The following SPIN1 variants were observed in gnomAD, a reference collection of about 807,000 sequenced individuals.
SPIN1 encodes the protein spindlin-1.
In SPIN1, 3 loss-of-function variants were observed where a neutral mutation model predicts 26.0. The ratio of observed to expected loss-of-function variants is 0.12; its 90% CI spans 0.05 to 0.30. The LOEUF is 0.30. Ranked by LOEUF, SPIN1 falls within the 10% of genes least tolerant of loss-of-function variation. SPIN1 has a pLI of 1.00. For synonymous variants in SPIN1, 101 were observed against 116.5 expected (o/e 0.87, Z 0.86); for missense variants, 126 against 333.4 (o/e 0.38, Z 4.84).
chr9:88,398,763 C>T (rs1007625174), intron 1 of SPIN1, among the ~76,000 whole-genome samples: 9 of 151,692 alleles, frequency 5.9e-5, no homozygotes, highest in Admixed American at 1.3e-4. Flanking sequence ...TCAGTAGAAA[C>T]GGGTTTCTCC....
intron 4 of SPIN1, among the ~76,000 whole-genome samples, chr9:88,467,077 A>G (rs1828685062): frequency 6.6e-6 from 1 of 152,156 alleles, no homozygotes; most frequent in African/African-American, 2.4e-5. Context: ...TTTAAAGATA[A>G]TTGTTTAAAT....
intron 1 of SPIN1, chr9:88,411,226 C>T: frequency 8.5e-7 from 1 of 1,171,794 alleles, no homozygotes; most frequent in African/African-American, 1.5e-5. Flanking sequence ...GTCTTCTGTT[C>T]ACCTTGTGTG....
intron 1 of SPIN1, among the ~76,000 whole-genome samples, chr9:88,397,233 G>A (rs1456738585): frequency 6.6e-6 from 1 of 151,912 alleles, no homozygotes; most frequent in African/African-American, 2.4e-5. Flanking sequence ...TAAATAACAC[G>A]TAGCTTAAAA....
chr9:88,459,991 T>C (rs567806373), intron 3 of SPIN1, among the ~76,000 whole-genome samples: 1 of 152,342 alleles, frequency 6.6e-6, no homozygotes, highest in South Asian at 2.1e-4. Flanking sequence ...GATTTGGTCC[T>C]TTTGTGTAAA....
intron 2 of SPIN1, among the ~76,000 whole-genome samples, chr9:88,438,995 C>T (rs867864860): frequency 3.3e-5 from 5 of 152,196 alleles, no homozygotes; most frequent in African/African-American, 1.2e-4. Context: ...AAAAACCATC[C>T]AGTAGAATGC....
chr9:88,423,944 G>GT (rs573945125), intron 1 of SPIN1, among the ~76,000 whole-genome samples: 29 of 151,864 alleles, frequency 1.9e-4, no homozygotes, highest in African/African-American at 5.3e-4. Flanking sequence ...TTTTTGTTGT[G>GT]TTTTTTGTAG....
At chr9:88,414,847 G>A (rs549349067) in intron 1 of SPIN1, among the ~76,000 whole-genome samples, 15 of 152,250 alleles carry the variant, frequency 9.9e-5, no homozygotes, top group African/African-American at 2.6e-4. Context: ...TTTTGACCAC[G>A]TATTACACTT....
rs1283533831 is a variant in SPIN1, at chr9:88,426,524, A to T, written c.-16A>T. ...CCCTAGTCCAGCAGCTCCGCTGCTC[A>T]CTTAAATACAGATGAATGAAGACCC... On this transcript the variant is annotated 5_prime_UTR_variant, in exon 2 of 6. Transcript: ENST00000375859. The T allele has an allele frequency of 6.2e-7, 1 of 1,610,886 alleles. No individual in the cohort carries two copies.
chr9:88,470,908 A>G (rs1399114413), intron 5 of SPIN1, among the ~76,000 whole-genome samples: 3 of 152,172 alleles, frequency 2.0e-5, no homozygotes, highest in South Asian at 2.1e-4. Flanking sequence ...GGCCCTTTTA[A>G]TATCATCTGT....
chr9:88,462,554 G>A lies in SPIN1; in HGVS notation c.160G>A (p.Val54Ile), dbSNP rs951543305. 2 of 1,614,144 alleles carry A rather than the reference G, an allele frequency of 1.2e-6. No individual in the cohort carries two copies. Among genetic ancestry groups the A allele is most frequent in the Non-Finnish European group, 1.7e-6 (2 of 1,180,008 alleles). Residue 54 changes from valine (V) to isoleucine (I), a missense_variant, in exon 4 of 6, where the codon GTA becomes ATA. Val to Ile is a conservative substitution (Grantham distance 29). Transcript: ENST00000375859. ...KPVSQPRRNIVGCRIQHGWKE... is the reference protein window; with the variant it reads ...KPVSQPRRNIIGCRIQHGWKE... ...TGTTTCCCAGCCCCGGCGGAACATCGTAGGCTGCAGGATTCAGCATGGGTG... is the reference window on the plus strand; with the variant it reads ...TGTTTCCCAGCCCCGGCGGAACATCATAGGCTGCAGGATTCAGCATGGGTG...
chr9:88,438,092 A>G (rs1436451794), intron 2 of SPIN1, among the ~76,000 whole-genome samples: 1 of 151,940 alleles, frequency 6.6e-6, no homozygotes, highest in African/African-American at 2.4e-5. Flanking sequence ...CAGAATTTGC[A>G]GTGCATCGAG....
chr9:88,424,050 G>C (rs1265852738), intron 1 of SPIN1, among the ~76,000 whole-genome samples: 1 of 152,222 alleles, frequency 6.6e-6, no homozygotes, highest in African/African-American at 2.4e-5. Context: ...TTACAGGTGT[G>C]AACCACTGCG....
At chr9:88,444,045 C>T (rs949623768) in intron 2 of SPIN1, among the ~76,000 whole-genome samples, 1 of 152,014 alleles carries the variant, frequency 6.6e-6, no homozygotes, top group Non-Finnish European at 1.5e-5. Context: ...CCTGCCTCTC[C>T]AGTTTTGGGG....
chr9:88,410,154 A>G (rs1394876189), intron 1 of SPIN1, among the ~76,000 whole-genome samples: 1 of 128,802 alleles, frequency 7.8e-6, no homozygotes, highest in Non-Finnish European at 1.5e-5. Flanking sequence ...GCTTTCATGC[A>G]TATATTTAGT....
intron 1 of SPIN1, among the ~76,000 whole-genome samples, chr9:88,393,449 T>G (rs1477516181): frequency 2.1e-5 from 2 of 97,386 alleles, no homozygotes; most frequent in African/African-American, 1.4e-4. Flanking sequence ...TTTTGGGTTT[T>G]TTTTTTTTTT....
intron 1 of SPIN1, among the ~76,000 whole-genome samples, chr9:88,398,257 A>G (rs1410582574): frequency 6.6e-6 from 1 of 151,870 alleles, no homozygotes; most frequent in Non-Finnish European, 1.5e-5. Context: ...GGCTGTCTGA[A>G]GTTCTTGAAT....
chr9:88,446,890 G>T (rs144262862), intron 2 of SPIN1, among the ~76,000 whole-genome samples: 1,668 of 152,308 alleles, frequency 0.011, 36 homozygotes, highest in African/African-American at 0.038. Context: ...ATGAAGAAGT[G>T]CCTTGGTGTG....
intron 1 of SPIN1, among the ~76,000 whole-genome samples, chr9:88,407,927 T>A (rs1031988471): frequency 6.6e-6 from 1 of 151,792 alleles, no homozygotes; most frequent in African/African-American, 2.4e-5. Flanking sequence ...CATGCTTGGC[T>A]ATTTTTTGTG....
chr9:88,411,156 T>C, intron 1 of SPIN1: 2 of 1,472,576 alleles, frequency 1.4e-6, no homozygotes, highest in Non-Finnish European at 1.9e-6. Flanking sequence ...TTTTTCACAG[T>C]TAAGTGGGCA....
Sources: gnomAD v4.1 joint callset for allele counts (sites outside exome capture counted in the v4.1 genomes callset) on GRCh38, gnomAD v4.1.1 for gene constraint, MANE v1.5 for transcripts, NCBI Gene and HGNC (gene_info 2026-07-23, HGNC 2026-07-21) for gene names.